The following TRAM2 variants were observed in gnomAD, a reference collection of about 807,000 sequenced individuals.
The protein encoded by TRAM2 is translocation associated membrane protein 2.
A neutral mutation model predicts 51.0 loss-of-function variants in TRAM2; 12 were observed. The ratio of observed to expected loss-of-function variants is 0.24; its 90% CI spans 0.15 to 0.38. The LOEUF is 0.38. Ranked by LOEUF, TRAM2 falls within the 10% of genes least tolerant of loss-of-function variation. The probability of loss-of-function intolerance (pLI) is 1.00; values close to 1 mark genes in which losing one functional copy is unlikely to be tolerated. For missense variants in TRAM2, 361 were observed against 462.0 expected (o/e 0.78, Z 2.00); for synonymous variants, 175 against 179.4 (o/e 0.98, Z 0.20).
chr6:52,516,518 G>T, intron 3 of TRAM2, 110 bp downstream of exon 3: 1 of 901,268 alleles, frequency 1.1e-6, no homozygotes, highest in Non-Finnish European at 1.8e-6. Flanking sequence ...ACCAGTGCAA[G>T]CAAGTTGGAG....
At chr6:52,528,931 C>T (rs530406417) in intron 2 of TRAM2, among the ~76,000 whole-genome samples, 1 of 148,800 alleles carries the variant, frequency 6.7e-6, no homozygotes, top group African/African-American at 2.5e-5. Context: ...CGCTCTGTCA[C>T]CCAGGCTGGA....
At chr6:52,576,380 T>TG (rs1291841307) in intron 1 of TRAM2, among the ~76,000 whole-genome samples, 3 of 152,172 alleles carry the variant, frequency 2.0e-5, no homozygotes, top group Non-Finnish European at 2.9e-5. Flanking sequence ...GAAGAGCTAG[T>TG]GGCCACCCCT....
rs551278531 is a variant in TRAM2 at position 52,529,142 on chromosome 6, C to T, written c.184+6641G>A. ...TCCTGACCTCTTGATCCGCCCGCCT[C>T]GGCCTCCCGAAGTGCTGGGATTACA... On this transcript the variant is annotated intron_variant, in intron 2 of 10. Coordinates refer to ENST00000182527, the MANE Select transcript of TRAM2 (RefSeq NM_012288.4). Among the ~76,000 whole-genome samples, 706 of 152,256 alleles carry T rather than the reference C, an allele frequency of 4.6e-3. 7 individuals carry two copies. The highest frequency in any genetic ancestry group is 7.4e-3 in the Non-Finnish European group (506 of 68,014).
At chr6:52,506,555 G>C (rs1397912644) in intron 7 of TRAM2, among the ~76,000 whole-genome samples, 1 of 152,212 alleles carries the variant, frequency 6.6e-6, no homozygotes, top group African/African-American at 2.4e-5. Context: ...ACAGCTCCGA[G>C]GTACATGCAG....
Position 52,577,024 on chromosome 6 carries a change from C to A in TRAM2, c.-109G>T, listed in dbSNP as rs1029044042. On this transcript the variant is annotated 5_prime_UTR_variant, in exon 1 of 11. Coordinates refer to ENST00000182527, the MANE Select transcript of TRAM2 (RefSeq NM_012288.4). ...CGCCCGCCGGCCCGCCGCCCGCTCT[C>A]CCACAGCCGCTCGCCCGCCCAGCGC... 1.1e-5 allele frequency: 14 copies of A among 1,244,078 alleles called. No homozygotes were observed. The South Asian group carries it at 1.4e-4, about 12-fold the overall frequency. The allele number at this position is 1,244,078 out of a possible 1,614,324, so 77.1% of individuals were successfully genotyped here. A position where few individuals can be genotyped will look rare whatever the true frequency, so the allele number is the denominator to read the frequency against.
chr6:52,522,257 A>G (rs1446887416), intron 2 of TRAM2, among the ~76,000 whole-genome samples: 1 of 152,258 alleles, frequency 6.6e-6, no homozygotes, highest in Non-Finnish European at 1.5e-5. Flanking sequence ...AACACACTAG[A>G]GAGGAGGGGC....
chr6:52,505,150 TA>T (rs1766322621), intron 9 of TRAM2, among the ~76,000 whole-genome samples: 1 of 152,218 alleles, frequency 6.6e-6, no homozygotes, highest in South Asian at 2.1e-4. Context: ...GCTTCTCATT[TA>T]ACATGTCACT....
intron 1 of TRAM2, among the ~76,000 whole-genome samples, chr6:52,540,422 A>T (rs1457343796): frequency 1.3e-5 from 2 of 152,196 alleles, no homozygotes; most frequent in South Asian, 4.1e-4. Flanking sequence ...CATTCCAGGA[A>T]GTCCTACTCA....
chr6:52,529,061 T>TA (rs1181592848), intron 2 of TRAM2, among the ~76,000 whole-genome samples: 1 of 152,062 alleles, frequency 6.6e-6, no homozygotes, highest in Non-Finnish European at 1.5e-5. Context: ...CGGCTAATTT[T>TA]TTTGTATTTT....
intron 4 of TRAM2, among the ~76,000 whole-genome samples, chr6:52,511,555 G>T (rs1320964816): frequency 6.6e-6 from 1 of 152,228 alleles, no homozygotes; most frequent in East Asian, 1.9e-4. Flanking sequence ...TGGGATTAAA[G>T]GCAGAGGTTT....
intron 1 of TRAM2, among the ~76,000 whole-genome samples, chr6:52,558,875 G>A (rs1286274888): frequency 1.3e-5 from 2 of 152,104 alleles, no homozygotes; most frequent in Non-Finnish European, 2.9e-5. Flanking sequence ...ACCCAACCAC[G>A]AAATCACACA....
At chr6:52,556,333 T>G (rs1259911169) in intron 1 of TRAM2, among the ~76,000 whole-genome samples, 2 of 150,694 alleles carry the variant, frequency 1.3e-5, no homozygotes, top group African/African-American at 4.9e-5. Flanking sequence ...CAGACTGGAG[T>G]GCAGTGGCAC....
intron 6 of TRAM2, among the ~76,000 whole-genome samples, chr6:52,507,846 G>C (rs929186993): frequency 6.6e-6 from 1 of 152,222 alleles, no homozygotes; most frequent in Non-Finnish European, 1.5e-5. Context: ...TCTAGTGTCA[G>C]AGGGTGAGGT....
intron 2 of TRAM2, among the ~76,000 whole-genome samples, chr6:52,521,630 A>G (rs7751949): frequency 0.91 from 138,536 of 151,912 alleles, 63,333 homozygotes; most frequent in African/African-American, 0.98. Flanking sequence ...CCGGGAGGGG[A>G]AGCTTGCAGT....
chr6:52,524,624 GT>G (rs1352386317), intron 2 of TRAM2: 1 of 152,132 alleles, frequency 6.6e-6, no homozygotes, highest in African/African-American at 2.4e-5. Context: ...ACAGGAAAGT[GT>G]TTTAATACAG....
intron 3 of TRAM2, 79 bp downstream of exon 3, chr6:52,516,549 C>A: frequency 8.6e-7 from 1 of 1,159,356 alleles, no homozygotes; most frequent in Non-Finnish European, 1.3e-6. Flanking sequence ...TGCAGAGCTG[C>A]AGTTTCCTCC....
chr6:52,505,996 C>A (rs1013360308), intron 8 of TRAM2, 36 bp downstream of exon 8: 2 of 1,607,246 alleles, frequency 1.2e-6, no homozygotes, highest in South Asian at 1.1e-5. Flanking sequence ...CCTGCCCAGG[C>A]CTCTAAGCGG....
At chr6:52,559,541 G>A (rs1247968625) in intron 1 of TRAM2, among the ~76,000 whole-genome samples, 1 of 152,214 alleles carries the variant, frequency 6.6e-6, no homozygotes, top group African/African-American at 2.4e-5. Context: ...GATTGTGGGG[G>A]CTGAATGACA....
rs1405122124 is a variant in TRAM2 at position 52,498,662 on chromosome 6, A to C, written c.*4535T>G. The C allele has an allele frequency of 6.5e-6, 1 of 152,824 alleles. No individual in the cohort carries two copies. Among genetic ancestry groups the C allele is most frequent in the Non-Finnish European group, 1.5e-5 (1 of 68,302 alleles). The allele number at this position is 152,824 out of a possible 1,614,324, so 9.5% of individuals were successfully genotyped here. A position where few individuals can be genotyped will look rare whatever the true frequency, so the allele number is the denominator to read the frequency against. ...CACAGCCACCCAGCTGGGCCAGAAG[A>C]GAACTGACACAAGGGAGAAACCAAA... On this transcript the variant is annotated 3_prime_UTR_variant, in exon 11 of 11. Coordinates refer to ENST00000182527, the MANE Select transcript of TRAM2 (RefSeq NM_012288.4).
Sources: allele counts gnomAD v4.1 joint callset (sites outside exome capture counted in the v4.1 genomes callset), GRCh38; gene constraint gnomAD v4.1.1; transcripts MANE v1.5; gene names NCBI Gene and HGNC (gene_info 2026-07-23, HGNC 2026-07-21).